Variants in PLXDC1 observed in about 807,000 individuals in gnomAD.
The protein encoded by PLXDC1 is plexin domain containing 1.
Under a neutral mutation model 61.3 loss-of-function variants are expected in PLXDC1, and 39 were observed. The observed-to-expected ratio is 0.64, with a 90% CI of 0.49 to 0.83. The LOEUF (loss-of-function observed/expected upper bound fraction) is 0.83, where lower values mean the gene tolerates loss of function less well. PLXDC1 is among the 40% of genes least tolerant of loss of function. The pLI, the probability that PLXDC1 is intolerant of heterozygous loss-of-function variation, is 0.00. For synonymous variants in PLXDC1, 212 were observed against 254.5 expected (o/e 0.83, Z 1.59); for missense variants, 596 against 666.5 (o/e 0.89, Z 1.17).
chr17:39,118,062 TTCCCTCCCTCCC>T (rs1290710892), intron 2 of PLXDC1, among the ~76,000 whole-genome samples: 3 of 129,774 alleles, frequency 2.3e-5, no homozygotes, highest in African/African-American at 9.2e-5. Context: ...CTAGAATTCC[TTCCCTCCCTCCC>T]TCCCTCCCTC....
At chr17:39,068,439 G>A (rs747040132) in intron 13 of PLXDC1, among the ~76,000 whole-genome samples, 3 of 152,214 alleles carry the variant, frequency 2.0e-5, no homozygotes, top group African/African-American at 2.4e-5. Context: ...CACTTTGGGA[G>A]GCCAAGATGG....
At chr17:39,073,559 G>A (rs925569118) in intron 11 of PLXDC1, among the ~76,000 whole-genome samples, 5 of 152,204 alleles carry the variant, frequency 3.3e-5, no homozygotes, top group African/African-American at 1.2e-4. Context: ...CTCCCAGAGT[G>A]ACTGAAGGTG....
At chr17:39,128,097 G>GTCTATATATATATATATATATATATA (rs1911379292) in intron 2 of PLXDC1, among the ~76,000 whole-genome samples, 1 of 67,478 alleles carries the variant, frequency 1.5e-5, no homozygotes, top group Non-Finnish European at 2.7e-5. Flanking sequence ...CTCTCTATGT[G>GTCTATATATATATATATATATATATA]TATATATATA....
At chr17:39,084,392 C>G (rs1440578241) in intron 8 of PLXDC1, among the ~76,000 whole-genome samples, 1 of 152,224 alleles carries the variant, frequency 6.6e-6, no homozygotes, top group African/African-American at 2.4e-5. Flanking sequence ...ACTGCTTCAT[C>G]ATGGTAACCA....
intron 9 of PLXDC1, among the ~76,000 whole-genome samples, chr17:39,081,996 A>G (rs1160032621): frequency 2.0e-5 from 3 of 152,214 alleles, no homozygotes; most frequent in African/African-American, 7.2e-5. Flanking sequence ...TTGTTCCCAC[A>G]TCTTCCTGAA....
chr17:39,140,457 T>C (rs1451161728), intron 1 of PLXDC1, among the ~76,000 whole-genome samples: 4 of 152,194 alleles, frequency 2.6e-5, no homozygotes, highest in Admixed American at 6.5e-5. Context: ...AGGCGCCCGC[T>C]ACCGCGCCCA....
At chr17:39,119,660 G>A (rs1356437672) in intron 2 of PLXDC1, among the ~76,000 whole-genome samples, 1 of 152,052 alleles carries the variant, frequency 6.6e-6, no homozygotes, top group African/African-American at 2.4e-5. Flanking sequence ...CAGGAGAATC[G>A]TTTGAGCCTG....
intron 1 of PLXDC1, among the ~76,000 whole-genome samples, chr17:39,148,065 G>T (rs1203982687): frequency 6.6e-6 from 1 of 152,116 alleles, no homozygotes; most frequent in African/African-American, 2.4e-5. Flanking sequence ...GATCGGAGGG[G>T]ACGGCAGCTG....
At chr17:39,136,145 C>G (rs915188060) in intron 2 of PLXDC1, among the ~76,000 whole-genome samples, 2 of 152,140 alleles carry the variant, frequency 1.3e-5, no homozygotes, top group East Asian at 1.9e-4. Flanking sequence ...TCCTTCCACT[C>G]CACCATCTCA....
intron 7 of PLXDC1, among the ~76,000 whole-genome samples, chr17:39,101,416 G>A (rs1405542082): frequency 6.6e-6 from 1 of 152,178 alleles, no homozygotes; most frequent in African/African-American, 2.4e-5. Context: ...GGGTGGCAAT[G>A]AGCCACAGCA....
chr17:39,068,672 C>G (rs1209997040), intron 13 of PLXDC1, among the ~76,000 whole-genome samples: 1 of 152,122 alleles, frequency 6.6e-6, no homozygotes, highest in African/African-American at 2.4e-5. Flanking sequence ...GTGAGACTGT[C>G]TCGAAATAAA....
intron 1 of PLXDC1, among the ~76,000 whole-genome samples, chr17:39,145,605 A>C (rs764462155): frequency 6.6e-6 from 1 of 152,132 alleles, no homozygotes; most frequent in Non-Finnish European, 1.5e-5. Flanking sequence ...CCTGTCCCAC[A>C]GGCTGAGAAA....
At chr17:39,144,629 C>G (rs780096172) in intron 1 of PLXDC1, 1 of 152,298 alleles carries the variant, frequency 6.6e-6, no homozygotes, top group Non-Finnish European at 1.5e-5. Flanking sequence ...CTGAAAGCCT[C>G]GGCCTTCCCG....
chr17:39,107,774 G>T, intron 5 of PLXDC1: 1 of 580,312 alleles, frequency 1.7e-6, no homozygotes, highest in East Asian at 2.9e-5. Flanking sequence ...TTTCCTTCTT[G>T]TCTATTCTGA....
chr17:39,103,210 G>A (rs1206011801), intron 7 of PLXDC1, among the ~76,000 whole-genome samples: 3 of 136,498 alleles, frequency 2.2e-5, no homozygotes, highest in Non-Finnish European at 3.2e-5. Context: ...GCGAGACTCC[G>A]TCTCAAAAAA....
chr17:39,086,215 T>C (rs148895081), intron 8 of PLXDC1, among the ~76,000 whole-genome samples: 21 of 152,302 alleles, frequency 1.4e-4, no homozygotes, highest in African/African-American at 4.6e-4. Flanking sequence ...CGAGGAACCC[T>C]GGTTCTCAGG....
At chr17:39,112,098 A>C (rs1287588174) in intron 2 of PLXDC1, 2 of 152,180 alleles carry the variant, frequency 1.3e-5, no homozygotes, top group South Asian at 4.1e-4. Context: ...ACCCATCAAG[A>C]AACAAAGCTC....
intron 9 of PLXDC1, 134 bp from the exon 10 acceptor site, chr17:39,079,298 C>T (rs1390912287): frequency 5.5e-6 from 4 of 721,030 alleles, no homozygotes; most frequent in Non-Finnish European, 1.0e-5. Flanking sequence ...GTCAGGCACT[C>T]CCATTCCCTC....
rs1357920266 is a variant in PLXDC1, at chr17:39,151,602, GC to G, written c.-166del. ...GGGCGAGCCGGCAGGAGCGGCGAGA[GC>G]GCGAGCGGAGCTGGAGGCTGCGGCC... On this transcript the variant is annotated 5_prime_UTR_variant, in exon 1 of 14. Transcript: ENST00000315392. The surrounding 1 kb of genome is among the most constrained non-coding windows in gnomAD (Gnocchi z 5.2). 9.6e-6 allele frequency: 11 copies of G among 1,147,132 alleles called. No individual in the cohort carries two copies. The highest frequency in any genetic ancestry group is 8.2e-5 in the African/African-American group (5 of 61,204). 71.1% of individuals were successfully genotyped at this position (1,147,132 alleles called of 1,614,324 possible).
Sources: gnomAD v4.1 joint callset for allele counts (sites outside exome capture counted in the v4.1 genomes callset) on GRCh38, gnomAD v4.1.1 for gene constraint, Gnocchi (gnomAD v3.1) non-coding constraint, MANE v1.5 for transcripts, NCBI Gene and HGNC (gene_info 2026-07-23, HGNC 2026-07-21) for gene names.